Variants in PCDH7 observed in about 807,000 individuals in gnomAD.
PCDH7 encodes the protein protocadherin 7, also known as protocadherin-7.
Under a neutral mutation model 58.9 loss-of-function variants are expected in PCDH7, and 17 were observed. The observed-to-expected ratio is 0.29, with a 90% CI of 0.20 to 0.43. The LOEUF (loss-of-function observed/expected upper bound fraction) is 0.43, where lower values mean the gene tolerates loss of function less well. Ranked by LOEUF, PCDH7 falls within the 20% of genes least tolerant of loss-of-function variation. The probability of loss-of-function intolerance (pLI) is 1.00; values close to 1 mark genes in which losing one functional copy is unlikely to be tolerated. For synonymous variants in PCDH7, 664 were observed against 616.4 expected (o/e 1.08, Z -1.14); for missense variants, 1,274 against 1,441.0 (o/e 0.88, Z 1.88).
intron 3 of PCDH7, among the ~76,000 whole-genome samples, chr4:31,138,887 A>G (rs1454087332): frequency 6.6e-6 from 1 of 151,878 alleles, no homozygotes; most frequent in Non-Finnish European, 1.5e-5. Context: ...GAGGCAGGAG[A>G]ATCGCTTGAG....
At chr4:31,001,464 T>A (rs1422971866) in intron 3 of PCDH7, among the ~76,000 whole-genome samples, 1 of 152,102 alleles carries the variant, frequency 6.6e-6, no homozygotes, top group Non-Finnish European at 1.5e-5. Flanking sequence ...TTTCACTAAA[T>A]CAGAGTGAAA....
chr4:30,971,613 A>G (rs1749590916), intron 3 of PCDH7, among the ~76,000 whole-genome samples: 1 of 152,214 alleles, frequency 6.6e-6, no homozygotes, highest in Non-Finnish European at 1.5e-5. Context: ...TTAAACAAGT[A>G]TTCTTGTCAG....
Position 30,721,871 on chromosome 4 carries a change from T to C in PCDH7, c.449T>C (p.Leu150Pro). Reference sequence around the variant, plus strand: ...ACCTTCCCGTCGCCCGTGCTCACGCTCACGGTGGAGGAGAATCGGCCGGTG... The same window carrying C: ...ACCTTCCCGTCGCCCGTGCTCACGCCCACGGTGGAGGAGAATCGGCCGGTG... Residue 150 changes from leucine (L) to proline (P), a missense_variant, in exon 1 of 2, where the codon CTC becomes CCC. Physicochemically the swap from Leu to Pro is moderately conservative, Grantham distance 98 (BLOSUM62 -3). This residue lies in a region of PCDH7 where 212 missense variants were observed against 255.8 expected (regional missense o/e 0.83). Coordinates refer to ENST00000361762, the Ensembl canonical transcript of PCDH7. This position sits in a 1 kb window ranked among gnomAD's most constrained non-coding sequence, Gnocchi z 6.7. The C allele has an allele frequency of 6.2e-7, 1 of 1,603,066 alleles. No homozygotes were observed. Among genetic ancestry groups the C allele is most frequent in the Non-Finnish European group, 8.5e-7 (1 of 1,175,514 alleles).
chr4:30,865,938 G>A (rs1375543639), intron 1 of PCDH7, among the ~76,000 whole-genome samples: 8 of 152,028 alleles, frequency 5.3e-5, no homozygotes, highest in Non-Finnish European at 8.8e-5. Context: ...CCTCTTGTTC[G>A]AATTTAGGGG....
chr4:31,106,640 A>G (rs369409391), intron 3 of PCDH7, among the ~76,000 whole-genome samples: 1 of 152,326 alleles, frequency 6.6e-6, no homozygotes, highest in East Asian at 1.9e-4. Context: ...TATTAACCAT[A>G]CTTCCTGGCC....
chr4:31,092,334 C>T (rs1713363222), intron 3 of PCDH7, among the ~76,000 whole-genome samples: 1 of 151,832 alleles, frequency 6.6e-6, no homozygotes, highest in Non-Finnish European at 1.5e-5. Context: ...GAAGGAAAAA[C>T]TGAGGAATTA....
At chr4:30,914,794 G>T (rs1444204626) in intron 1 of PCDH7, among the ~76,000 whole-genome samples, 1 of 152,128 alleles carries the variant, frequency 6.6e-6, no homozygotes, top group Admixed American at 6.6e-5. Context: ...TTAGCAAGGG[G>T]CAGTTACTAT....
chr4:31,120,509 T>C (rs1214468118), intron 3 of PCDH7, among the ~76,000 whole-genome samples: 1 of 150,436 alleles, frequency 6.6e-6, no homozygotes. Flanking sequence ...TTAGGTATAA[T>C]GGAAAGAGGA....
intron 3 of PCDH7, among the ~76,000 whole-genome samples, chr4:31,124,407 A>G (rs1718047043): frequency 6.6e-6 from 1 of 152,216 alleles, no homozygotes; most frequent in African/African-American, 2.4e-5. Flanking sequence ...TCCTTTGTTC[A>G]GATACCTGAG....
chr4:30,833,721 T>C (rs1730106412), intron 1 of PCDH7, among the ~76,000 whole-genome samples: 1 of 152,190 alleles, frequency 6.6e-6, no homozygotes, highest in African/African-American at 2.4e-5. Flanking sequence ...ACAAGGAAAG[T>C]ACTTTACATC....
intron 3 of PCDH7, among the ~76,000 whole-genome samples, chr4:31,059,670 T>G (rs1757531971): frequency 6.6e-6 from 1 of 151,858 alleles, no homozygotes; most frequent in Admixed American, 6.6e-5. Flanking sequence ...AACGAAAATT[T>G]ATATTTAGTG....
chr4:31,000,585 T>TA (rs1163153195), intron 3 of PCDH7, among the ~76,000 whole-genome samples: 2 of 152,102 alleles, frequency 1.3e-5, no homozygotes, highest in Non-Finnish European at 2.9e-5. Flanking sequence ...AAGGTTAAAA[T>TA]AAGTATGAGG....
Position 30,723,957 on chromosome 4 carries a change from T to G in PCDH7, c.2535T>G (p.Asn845Lys). Residue 845 changes from asparagine (N) to lysine (K), a missense_variant, in exon 1 of 2, where the codon AAT becomes AAG. By Grantham distance (94) the Asn-to-Lys change is moderately conservative. Coordinates refer to ENST00000361762, the Ensembl canonical transcript of PCDH7. This position sits in a 1 kb window ranked among gnomAD's most constrained non-coding sequence, Gnocchi z 4.6. ...TGTTTGTCAATGAAAGTGTTTCTAA[T>G]GCAACTGCGATTGACTCCCAGATAG... 1 of 1,614,202 alleles carries G rather than the reference T, an allele frequency of 6.2e-7. No individual in the cohort carries two copies.
downstream of PCDH7, among the ~76,000 whole-genome samples, chr4:30,736,406 T>A (rs137987781): frequency 2.6e-5 from 4 of 152,242 alleles, no homozygotes; most frequent in African/African-American, 9.6e-5. Flanking sequence ...GTTTTTAATT[T>A]AAAAAATCGG....
At chr4:30,793,707 A>G (rs1169067796) in intron 1 of PCDH7, among the ~76,000 whole-genome samples, 1 of 152,160 alleles carries the variant, frequency 6.6e-6, no homozygotes, top group Non-Finnish European at 1.5e-5. Context: ...GACTTCCACA[A>G]ACTCGAAGCA....
intron 1 of PCDH7, among the ~76,000 whole-genome samples, chr4:30,762,424 T>C (rs1720147596): frequency 6.6e-6 from 1 of 152,188 alleles, no homozygotes; most frequent in Non-Finnish European, 1.5e-5. Context: ...GCAAGACTCT[T>C]AACATATTAT....
At position 31,119,948 on chromosome 4, in the gene PCDH7, G is replaced by T. The variant is rs950054602; in HGVS notation, c.*8-22525G>T. Among the ~76,000 whole-genome samples the T allele has an allele frequency of 4.1e-5, 6 of 146,028 alleles. No homozygotes were observed. In the East Asian group the frequency reaches 8.0e-4, roughly 19 times the overall value. On this transcript the variant is annotated intron_variant, in intron 3 of 3. Coordinates refer to the PCDH7 transcript ENST00000509759. ...GAAAGCTACTGGTCACCAGTTTCAG[G>T]TTTTTTTTTTTTCCATCTATAGGTA...
chr4:30,908,760 G>A (rs1363645537), intron 1 of PCDH7, among the ~76,000 whole-genome samples: 1 of 152,012 alleles, frequency 6.6e-6, no homozygotes, highest in African/African-American at 2.4e-5. Context: ...TAGAAAAAGA[G>A]GATCTGGTAC....
exon 4 of PCDH7, chr4:31,142,659 A>T (rs747518776): frequency 2.3e-5 from 32 of 1,367,676 alleles, no homozygotes; most frequent in Non-Finnish European, 2.8e-5. Context: ...GCCAATGGGG[A>T]GGCCGCCATC....
Sources: gnomAD v4.1 joint callset for allele counts (sites outside exome capture counted in the v4.1 genomes callset) on GRCh38, gnomAD v4.1.1 for gene constraint, gnomAD v4.1.1 regional missense constraint, Gnocchi (gnomAD v3.1) non-coding constraint, MANE v1.5 for transcripts, NCBI Gene and HGNC (gene_info 2026-07-23, HGNC 2026-07-21) for gene names.